NELL2: variants seen among roughly 807,000 people sequenced by gnomAD.
NELL2 encodes the protein neural EGFL like 2, also known as protein kinase C-binding protein NELL2.
In NELL2, 41 loss-of-function variants were observed where a neutral mutation model predicts 109.6. The ratio of observed to expected loss-of-function variants is 0.37; its 90% confidence interval spans 0.29 to 0.49. The LOEUF (loss-of-function observed/expected upper bound fraction) is 0.49, where lower values mean the gene tolerates loss of function less well. NELL2 is among the 20% of genes least tolerant of loss of function. The pLI, the probability that NELL2 is intolerant of heterozygous loss-of-function variation, is 0.98. For synonymous variants in NELL2, 355 were observed against 344.7 expected (o/e 1.03, Z -0.33); for missense variants, 900 against 1,008.3 (o/e 0.89, Z 1.45).
upstream of NELL2, among the ~76,000 whole-genome samples, chr12:44,916,139 T>C (rs548923047): frequency 1.3e-5 from 2 of 152,164 alleles, no homozygotes; most frequent in Non-Finnish European, 2.9e-5. Flanking sequence ...GTAACATGTA[T>C]TAAAGGATGC....
intron 2 of NELL2, among the ~76,000 whole-genome samples, chr12:44,873,014 T>C (rs747944047): frequency 2.0e-5 from 3 of 152,206 alleles, no homozygotes. Flanking sequence ...CGAAATTCCA[T>C]GCATGGCCAA....
chr12:44,818,308 T>C (rs1314143312), intron 2 of NELL2, among the ~76,000 whole-genome samples: 21 of 152,350 alleles, frequency 1.4e-4, no homozygotes, highest in Admixed American at 1.4e-3. Flanking sequence ...TCATTTTAAT[T>C]TAATAGATAA....
chr12:44,638,925 A>G (rs1413917778), intron 13 of NELL2, among the ~76,000 whole-genome samples: 7 of 152,216 alleles, frequency 4.6e-5, no homozygotes, highest in African/African-American at 1.7e-4. Context: ...TAGTCTCATT[A>G]AAAATTGTAC....
chr12:44,722,314 C>A (rs1196024838), intron 9 of NELL2, among the ~76,000 whole-genome samples: 1 of 152,120 alleles, frequency 6.6e-6, no homozygotes, highest in South Asian at 2.1e-4. Context: ...TACAGGCATG[C>A]GCCAAAATGC....
chr12:44,788,283 C>T (rs1476404281), intron 3 of NELL2, among the ~76,000 whole-genome samples: 3 of 152,160 alleles, frequency 2.0e-5, no homozygotes, highest in Non-Finnish European at 4.4e-5. Flanking sequence ...CCCACGGACC[C>T]TCTGAAGGAA....
chr12:44,758,756 T>A (rs919658058), intron 9 of NELL2, among the ~76,000 whole-genome samples: 21 of 152,160 alleles, frequency 1.4e-4, no homozygotes, highest in Admixed American at 3.9e-4. Context: ...AGAAGCCTCA[T>A]TCCTTAACTG....
intron 3 of NELL2, among the ~76,000 whole-genome samples, chr12:44,784,856 A>G (rs920550540): frequency 6.6e-6 from 1 of 152,234 alleles, no homozygotes; most frequent in East Asian, 1.9e-4. Context: ...AACACTCAAT[A>G]AACTAGGTAT....
intron 15 of NELL2, among the ~76,000 whole-genome samples, chr12:44,548,850 C>T (rs1942912650): frequency 6.6e-6 from 1 of 152,114 alleles, no homozygotes; most frequent in South Asian, 2.1e-4. Flanking sequence ...AATTTAAGCA[C>T]TCTATGCTTC....
chr12:44,702,080 G>A (rs1949247393), intron 12 of NELL2, among the ~76,000 whole-genome samples: 1 of 151,904 alleles, frequency 6.6e-6, no homozygotes, highest in Non-Finnish European at 1.5e-5. Context: ...TTACATGGCT[G>A]TTTCCTCTCT....
chr12:44,517,292 C>T (rs1220201581), intron 19 of NELL2, among the ~76,000 whole-genome samples: 1 of 152,022 alleles, frequency 6.6e-6, no homozygotes, highest in Non-Finnish European at 1.5e-5. Flanking sequence ...CAGAGGTCCA[C>T]TGGCACAACT....
chr12:44,619,927 G>C (rs1435577346), intron 13 of NELL2, among the ~76,000 whole-genome samples: 1 of 152,088 alleles, frequency 6.6e-6, no homozygotes, highest in African/African-American at 2.4e-5. Flanking sequence ...CGGAGAAAAT[G>C]ATGGAGAAAG....
chr12:44,747,758 T>C (rs779157398), intron 9 of NELL2, among the ~76,000 whole-genome samples: 2 of 152,138 alleles, frequency 1.3e-5, no homozygotes, highest in Non-Finnish European at 2.9e-5. Flanking sequence ...TGCCATGACA[T>C]ATGCTGCGCT....
At chr12:44,885,199 A>G (rs1945457066) in intron 1 of NELL2, among the ~76,000 whole-genome samples, 1 of 152,004 alleles carries the variant, frequency 6.6e-6, no homozygotes, top group Admixed American at 6.5e-5. Context: ...GAATTGCTTG[A>G]ACCCAAAAGA....
intron 13 of NELL2, 82 bp from the exon 14 acceptor site, chr12:44,611,052 T>G: frequency 7.1e-7 from 1 of 1,403,650 alleles, no homozygotes; most frequent in South Asian, 1.2e-5. Flanking sequence ...TCTTGGTTAT[T>G]GCATGGTAAA....
chr12:44,841,061 T>C (rs184427860), intron 2 of NELL2, among the ~76,000 whole-genome samples: 173 of 152,324 alleles, frequency 1.1e-3, no homozygotes, highest in Non-Finnish European at 4.9e-4. Flanking sequence ...AATAATTTTA[T>C]AAAAATTCAA....
chr12:44,671,443 A>G (rs1948135131), intron 12 of NELL2, among the ~76,000 whole-genome samples: 2 of 152,198 alleles, frequency 1.3e-5, no homozygotes, highest in Admixed American at 6.5e-5. Flanking sequence ...CAAAGATCAG[A>G]CCAGAAATAA....
chr12:44,582,864 G>A (rs185055873), intron 15 of NELL2, among the ~76,000 whole-genome samples: 2 of 152,272 alleles, frequency 1.3e-5, no homozygotes, highest in African/African-American at 2.4e-5. Context: ...CTGCCCTCAT[G>A]AATGAATTGA....
chr12:44,566,142 T>G (rs1473834831), intron 15 of NELL2, among the ~76,000 whole-genome samples: 2 of 152,130 alleles, frequency 1.3e-5, no homozygotes, highest in African/African-American at 4.8e-5. Flanking sequence ...ATTCAAAAGC[T>G]AGTTTGAATT....
chr12:44,548,660 A>G (rs1269979696), intron 15 of NELL2, among the ~76,000 whole-genome samples: 3 of 152,168 alleles, frequency 2.0e-5, no homozygotes, highest in African/African-American at 4.8e-5. Flanking sequence ...ATATACCAAC[A>G]TATGTCACTT....
Sources: allele counts gnomAD v4.1 joint callset (sites outside exome capture counted in the v4.1 genomes callset), GRCh38; gene constraint gnomAD v4.1.1; transcripts MANE v1.5; gene names NCBI Gene and HGNC (gene_info 2026-07-23, HGNC 2026-07-21).